The following ESR1 variants were observed in gnomAD, a reference collection of about 807,000 sequenced individuals.
The protein encoded by ESR1 is estrogen receptor 1.
ESR1 carries 12 observed loss-of-function variants against 52.7 expected under a neutral mutation model. The observed-to-expected ratio is 0.23, with a 90% CI of 0.15 to 0.37. The LOEUF is 0.37. Among genes scored for constraint, ESR1 ranks in the 10% least tolerant of loss-of-function variants. The probability of loss-of-function intolerance (pLI) is 1.00; values close to 1 mark genes in which losing one functional copy is unlikely to be tolerated. For synonymous variants in ESR1, 305 were observed against 316.8 expected, an observed-to-expected ratio of 0.96 and a Z score of 0.39; for missense variants, 584 against 779.7, an observed-to-expected ratio of 0.75 and a Z score of 2.99.
At chr6:151,718,750 G>T (rs1395081372) in intron 2 of ESR1, among the ~76,000 whole-genome samples, 1 of 152,160 alleles carries the variant, frequency 6.6e-6, no homozygotes, top group Non-Finnish European at 1.5e-5. Context: ...AAGGGAAAAG[G>T]AGAGCAGAGT....
chr6:151,801,051 GGTGTGTGT>G (rs3062689), upstream of ESR1, among the ~76,000 whole-genome samples: 2 of 147,706 alleles, frequency 1.4e-5, no homozygotes, highest in African/African-American at 2.5e-5. Flanking sequence ...TTGATTATGT[GGTGTGTGT>G]GTGTGTGTGT....
chr6:151,677,710 GT>G (rs756423835), intron 1 of ESR1, among the ~76,000 whole-genome samples: 52 of 152,168 alleles, frequency 3.4e-4, no homozygotes, highest in African/African-American at 9.7e-5. Flanking sequence ...CCTTTGGCCT[GT>G]GCTTCTTAGT....
At chr6:151,793,469 G>A (rs1436740484) in intron 2 of ESR1, among the ~76,000 whole-genome samples, 1 of 152,142 alleles carries the variant, frequency 6.6e-6, no homozygotes, top group Non-Finnish European at 1.5e-5. Context: ...CTGTAGTAAA[G>A]TAAATATATA....
intron 1 of ESR1, among the ~76,000 whole-genome samples, chr6:151,667,692 T>A (rs562625854): frequency 4.6e-5 from 7 of 152,320 alleles, no homozygotes; most frequent in African/African-American, 1.7e-4. Flanking sequence ...GTAGTCCCAG[T>A]CCTTGTTTGC....
chr6:152,085,476 C>G (rs1415785840), intron 6 of ESR1, among the ~76,000 whole-genome samples: 1 of 152,124 alleles, frequency 6.6e-6, no homozygotes, highest in African/African-American at 2.4e-5. Flanking sequence ...CTCATGTTCA[C>G]AATGTCTAAA....
chr6:151,814,777 G>T (rs1041153173), intron 1 of ESR1, among the ~76,000 whole-genome samples: 3 of 152,162 alleles, frequency 2.0e-5, no homozygotes, highest in Non-Finnish European at 1.5e-5. Flanking sequence ...TATAAAGTGT[G>T]GTTTTGTTTT....
chr6:152,053,440 C>T lies in ESR1; in HGVS notation c.1236-7551C>T, dbSNP rs1360627610. Among the ~76,000 whole-genome samples the T allele has an allele frequency of 6.6e-6, 1 of 151,948 alleles. No individual in the cohort carries two copies. The highest frequency in any genetic ancestry group is 2.4e-5 in the African/African-American group (1 of 41,354). On this transcript the variant is annotated intron_variant, in intron 5 of 7. Coordinates refer to ENST00000206249, the MANE Select transcript of ESR1 (RefSeq NM_000125.4). This position sits in a 1 kb window ranked among gnomAD's most constrained non-coding sequence, Gnocchi z 4.1. ...TCTCTCCCTCTCTCTTTCAATCTTT[C>T]TCTCCCTCAGTCTCTCTTTCTCTTT...
intron 3 of ESR1, among the ~76,000 whole-genome samples, chr6:151,901,939 A>T (rs188015252): frequency 1.3e-5 from 2 of 152,320 alleles, no homozygotes; most frequent in African/African-American, 4.8e-5. Context: ...TGAGAGCTGC[A>T]ATCTAGTCCT....
At chr6:151,890,224 A>G (rs539220762) in intron 3 of ESR1, among the ~76,000 whole-genome samples, 1 of 152,112 alleles carries the variant, frequency 6.6e-6, no homozygotes, top group Non-Finnish European at 1.5e-5. Context: ...AGCTGGGAAT[A>G]CAGGAGCACA....
intron 2 of ESR1, among the ~76,000 whole-genome samples, chr6:151,787,516 T>A (rs1787138126): frequency 6.6e-6 from 1 of 152,174 alleles, no homozygotes; most frequent in Non-Finnish European, 1.5e-5. Context: ...CATCTCTGAT[T>A]TATTTGAGCA....
chr6:151,741,153 T>A (rs1273562728), intron 2 of ESR1, among the ~76,000 whole-genome samples: 1 of 152,210 alleles, frequency 6.6e-6, no homozygotes, highest in Non-Finnish European at 1.5e-5. Context: ...TGTGCCCTGA[T>A]GATAATCTTT....
upstream of ESR1, among the ~76,000 whole-genome samples, chr6:151,686,674 C>T (rs111252207): frequency 0.051 from 7,579 of 149,980 alleles, 299 homozygotes; most frequent in Middle Eastern, 0.12. Flanking sequence ...GGTGACAGAG[C>T]AAGACTCCAT....
At chr6:151,895,948 C>G (rs1386923601) in intron 3 of ESR1, among the ~76,000 whole-genome samples, 6 of 152,290 alleles carry the variant, frequency 3.9e-5, no homozygotes. Context: ...TGCCACCACA[C>G]CCAGCTAATT....
intron 1 of ESR1, among the ~76,000 whole-genome samples, chr6:151,669,634 T>G (rs1029414745): frequency 6.6e-6 from 1 of 152,124 alleles, no homozygotes; most frequent in South Asian, 2.1e-4. Context: ...GTGGTCTTAG[T>G]TTCTGTAAAA....
chr6:151,727,292 C>T (rs1224265865), intron 2 of ESR1, among the ~76,000 whole-genome samples: 4 of 151,872 alleles, frequency 2.6e-5, no homozygotes, highest in Admixed American at 1.3e-4. Flanking sequence ...ACCTTCACCT[C>T]CTGGGTCCAA....
chr6:152,115,186 A>G (rs1197534932), intron 6 of ESR1, among the ~76,000 whole-genome samples: 1 of 152,176 alleles, frequency 6.6e-6, no homozygotes, highest in Non-Finnish European at 1.5e-5. Flanking sequence ...ATTATTCTAT[A>G]TCTTGTTTTT....
At chr6:151,683,932 G>C (rs752910032) in intron 1 of ESR1, among the ~76,000 whole-genome samples, 2 of 143,872 alleles carry the variant, frequency 1.4e-5, no homozygotes, top group Admixed American at 1.4e-4. Flanking sequence ...GGCTGGTTTC[G>C]AACTCCTGAG....
intron 2 of ESR1, among the ~76,000 whole-genome samples, chr6:151,780,791 T>C (rs745755298): frequency 1.1e-4 from 16 of 152,226 alleles, no homozygotes; most frequent in Non-Finnish European, 1.8e-4. Context: ...CCCAAAACTC[T>C]TACCCTAGTT....
intron 6 of ESR1, among the ~76,000 whole-genome samples, chr6:152,087,894 G>A (rs185213442): frequency 6.6e-6 from 1 of 152,164 alleles, no homozygotes; most frequent in African/African-American, 2.4e-5. Flanking sequence ...CAATCATCAG[G>A]TTTGGATGGA....
Sources: allele counts gnomAD v4.1 joint callset (sites outside exome capture counted in the v4.1 genomes callset), GRCh38; gene constraint gnomAD v4.1.1; non-coding constraint Gnocchi (gnomAD v3.1); transcripts MANE v1.5; gene names NCBI Gene and HGNC (gene_info 2026-07-23, HGNC 2026-07-21).